The following GPR158 variants were observed in gnomAD, a reference collection of about 807,000 sequenced individuals.
The protein encoded by GPR158 is G protein-coupled receptor 158.
In GPR158, 30 loss-of-function variants were observed where a neutral mutation model predicts 78.2. The observed-to-expected ratio is 0.38, with a 90% CI of 0.29 to 0.52. The LOEUF (loss-of-function observed/expected upper bound fraction) is 0.52, where lower values mean the gene tolerates loss of function less well. Ranked by LOEUF, GPR158 falls within the 20% of genes least tolerant of loss-of-function variation. The pLI, the probability that GPR158 is intolerant of heterozygous loss-of-function variation, is 0.83. For synonymous variants in GPR158, 581 were observed against 591.1 expected, an observed-to-expected ratio of 0.98 and a Z score of 0.25; for missense variants, 1,463 against 1,523.5, an observed-to-expected ratio of 0.96 and a Z score of 0.66.
At chr10:25,453,525 G>A (rs1835250285) in intron 4 of GPR158, among the ~76,000 whole-genome samples, 1 of 151,906 alleles carries the variant, frequency 6.6e-6, no homozygotes, top group African/African-American at 2.4e-5. Context: ...TATACCAGTT[G>A]GCTATTTGTA....
intron 2 of GPR158, among the ~76,000 whole-genome samples, chr10:25,386,639 A>G (rs1054254279): frequency 2.6e-5 from 4 of 152,148 alleles, no homozygotes; most frequent in East Asian, 1.9e-4. Flanking sequence ...AATATTTTAC[A>G]GTTTTCAGAG....
chr10:25,537,412 T>A (rs956870643), intron 5 of GPR158, among the ~76,000 whole-genome samples: 7 of 152,128 alleles, frequency 4.6e-5, no homozygotes, highest in African/African-American at 1.7e-4. Context: ...GTAACAGATA[T>A]TGGAGTAGTT....
At chr10:25,184,181 G>A (rs1852651260) in intron 1 of GPR158, among the ~76,000 whole-genome samples, 2 of 152,150 alleles carry the variant, frequency 1.3e-5, no homozygotes, top group Admixed American at 1.3e-4. Context: ...CCTTACTGCT[G>A]TATGTAAATT....
chr10:25,375,957 A>G (rs1420628726), intron 2 of GPR158, among the ~76,000 whole-genome samples: 1 of 151,638 alleles, frequency 6.6e-6, no homozygotes, highest in African/African-American at 2.4e-5. Flanking sequence ...CACTAAATCT[A>G]TACATTACTT....
chr10:25,525,514 A>G (rs536017528), intron 5 of GPR158, among the ~76,000 whole-genome samples: 5 of 152,322 alleles, frequency 3.3e-5, no homozygotes, highest in East Asian at 1.9e-4. Flanking sequence ...TCTACATTGT[A>G]TGGATGAACT....
At chr10:25,443,554 C>CAA (rs67094533) in intron 4 of GPR158, among the ~76,000 whole-genome samples, 3 of 107,578 alleles carry the variant, frequency 2.8e-5, no homozygotes, top group Non-Finnish European at 5.3e-5. Context: ...GAGACTGTTT[C>CAA]AAAAAAAAAA....
chr10:25,594,558 G>C (rs1003992223), intron 9 of GPR158, among the ~76,000 whole-genome samples, 161 bp downstream of exon 9: 1 of 151,918 alleles, frequency 6.6e-6, no homozygotes, highest in Non-Finnish European at 1.5e-5. Flanking sequence ...TTGAATTTTG[G>C]AAACTTCTTA....
chr10:25,454,015 T>A (rs935711845), intron 4 of GPR158, among the ~76,000 whole-genome samples: 4 of 152,174 alleles, frequency 2.6e-5, no homozygotes, highest in African/African-American at 9.7e-5. Flanking sequence ...TAGATTACTT[T>A]GGGTAGTATG....
chr10:25,193,092 C>A (rs1462535844), intron 1 of GPR158, among the ~76,000 whole-genome samples: 2 of 152,078 alleles, frequency 1.3e-5, no homozygotes, highest in African/African-American at 4.8e-5. Context: ...TTGAGGAGCA[C>A]CTGTATATTA....
intron 5 of GPR158, among the ~76,000 whole-genome samples, chr10:25,528,157 C>T (rs1057028265): frequency 2.0e-5 from 3 of 151,950 alleles, no homozygotes; most frequent in South Asian, 2.1e-4. Flanking sequence ...AAAGGAAATA[C>T]GCCCCAATTC....
At chr10:25,586,390 AATTTTTTTTTTT>A (rs1837267940) in intron 7 of GPR158, among the ~76,000 whole-genome samples, 1 of 130,942 alleles carries the variant, frequency 7.6e-6, no homozygotes. Flanking sequence ...GGTATGTGTG[AATTTTTTTTTTT>A]TTTTTTTTTT....
intron 2 of GPR158, among the ~76,000 whole-genome samples, chr10:25,388,491 T>C (rs766896712): frequency 2.0e-4 from 31 of 152,230 alleles, no homozygotes; most frequent in Non-Finnish European, 4.6e-4. Flanking sequence ...CCAGGACTCA[T>C]GGGGCTGGCC....
At chr10:25,247,602 GATGA>G (rs1853713837) in intron 2 of GPR158, among the ~76,000 whole-genome samples, 1 of 136,350 alleles carries the variant, frequency 7.3e-6, no homozygotes, top group Non-Finnish European at 1.6e-5. Flanking sequence ...TACTGAGAAT[GATGA>G]TTTCCAATTT....
At chr10:25,562,345 G>T (rs1836870922) in intron 6 of GPR158, among the ~76,000 whole-genome samples, 1 of 151,974 alleles carries the variant, frequency 6.6e-6, no homozygotes, top group Non-Finnish European at 1.5e-5. Flanking sequence ...GCTTGTTTTG[G>T]ATTAAATTTT....
intron 2 of GPR158, among the ~76,000 whole-genome samples, chr10:25,290,107 G>A (rs577190800): frequency 1.3e-5 from 2 of 152,146 alleles, no homozygotes; most frequent in African/African-American, 2.4e-5. Flanking sequence ...ATAATTGATG[G>A]TAGGATTGAC....
intron 5 of GPR158, among the ~76,000 whole-genome samples, chr10:25,505,114 C>A (rs1384703651): frequency 6.6e-6 from 1 of 152,170 alleles, no homozygotes; most frequent in African/African-American, 2.4e-5. Flanking sequence ...AGAACTGTGC[C>A]TAACACATAA....
chr10:25,455,717 C>CAAGA (rs1835282231), intron 4 of GPR158, among the ~76,000 whole-genome samples: 2 of 152,024 alleles, frequency 1.3e-5, no homozygotes, highest in African/African-American at 2.4e-5. Flanking sequence ...ATATGAGACT[C>CAAGA]TAAAATATCA....
intron 5 of GPR158, among the ~76,000 whole-genome samples, chr10:25,548,353 A>G (rs1836690136): frequency 6.6e-6 from 1 of 152,144 alleles, no homozygotes; most frequent in Non-Finnish European, 1.5e-5. Flanking sequence ...ATCAGAAAAG[A>G]ATTTGTTGAG....
intron 1 of GPR158, among the ~76,000 whole-genome samples, chr10:25,202,317 A>T (rs1419198285): frequency 1.8e-5 from 2 of 112,258 alleles, no homozygotes; most frequent in Non-Finnish European, 3.5e-5. Flanking sequence ...TTTGTTACAC[A>T]TATATATATA....
Sources: gnomAD v4.1 joint callset for allele counts (sites outside exome capture counted in the v4.1 genomes callset) on GRCh38, gnomAD v4.1.1 for gene constraint, MANE v1.5 for transcripts, NCBI Gene and HGNC (gene_info 2026-07-23, HGNC 2026-07-21) for gene names.